ALDH1A2: variants seen among roughly 807,000 people sequenced by gnomAD.
The protein encoded by ALDH1A2 is aldehyde dehydrogenase 1 family member A2.
Under a neutral mutation model 60.3 loss-of-function variants are expected in ALDH1A2, and 27 were observed. The observed-to-expected ratio is 0.45, with a 90% CI of 0.33 to 0.62. The LOEUF is 0.62. ALDH1A2 is among the 20% of genes least tolerant of loss of function. ALDH1A2 has a pLI of 0.02. For synonymous variants in ALDH1A2, 289 were observed against 232.4 expected (o/e 1.24, Z -2.21); for missense variants, 581 against 643.8 (o/e 0.90, Z 1.06).
intron 1 of ALDH1A2, among the ~76,000 whole-genome samples, chr15:58,061,676 G>A (rs1228833998): frequency 6.9e-6 from 1 of 145,146 alleles, no homozygotes; most frequent in Admixed American, 7.0e-5. Flanking sequence ...TAGAAAAAGT[G>A]TATGGTGATG....
chr15:58,056,867 AATAAGT>A lies in ALDH1A2; in HGVS notation c.117+8661_117+8666del, dbSNP rs1840655269. 2.6e-5 allele frequency among the ~76,000 whole-genome samples: 4 copies of A among 152,120 alleles called. No homozygotes were observed. The South Asian group carries it at 6.2e-4, about 24-fold the overall frequency. On this transcript the variant is annotated intron_variant, in intron 1 of 12. Transcript: ENST00000249750. ...CACACTTACCAGGTTAGCAAAATTT[AATAAGT>A]ATGAGAATCTGAAGTATAGGTGAAA... is the stretch of plus-strand genomic sequence containing the variant.
chr15:58,034,647 A>G (rs138216883), intron 1 of ALDH1A2, among the ~76,000 whole-genome samples: 3 of 151,720 alleles, frequency 2.0e-5, no homozygotes, highest in African/African-American at 7.2e-5. Context: ...TCTATTCATA[A>G]TTTTTGAGAG....
chr15:57,962,510 T>C (rs1175435170), intron 9 of ALDH1A2, among the ~76,000 whole-genome samples: 3 of 152,218 alleles, frequency 2.0e-5, no homozygotes, highest in African/African-American at 7.2e-5. Context: ...AAAATTGACT[T>C]TTATAATTAA....
chr15:57,959,486 G>A (rs758892538), intron 12 of ALDH1A2, among the ~76,000 whole-genome samples: 6 of 152,106 alleles, frequency 3.9e-5, no homozygotes, highest in Non-Finnish European at 7.3e-5. Flanking sequence ...GGAAACTTCC[G>A]CCAAAGTTAC....
intron 1 of ALDH1A2, among the ~76,000 whole-genome samples, chr15:58,057,134 C>A (rs1163563743): frequency 6.6e-6 from 1 of 151,958 alleles, no homozygotes; most frequent in Non-Finnish European, 1.5e-5. Context: ...TCCAATGCAG[C>A]ATTACTGCAA....
At chr15:57,990,298 T>C (rs1381635534) in intron 7 of ALDH1A2, 9 of 152,208 alleles carry the variant, frequency 5.9e-5, no homozygotes, top group African/African-American at 1.7e-4. Context: ...TATGTACACA[T>C]ATACGTGTGT....
At chr15:57,995,217 C>CAAAA (rs34068380) in intron 4 of ALDH1A2, 78 bp from the exon 5 acceptor site, 3,031 of 285,276 alleles carry the variant, frequency 0.011, 102 homozygotes, top group South Asian at 0.025. Flanking sequence ...TTGGTGGCTG[C>CAAAA]AAAAAAAAAA....
intron 7 of ALDH1A2, among the ~76,000 whole-genome samples, chr15:57,989,000 C>CTACTT (rs1364785584): frequency 7.8e-6 from 1 of 128,418 alleles, no homozygotes; most frequent in African/African-American, 2.8e-5. Flanking sequence ...AACCCCATCT[C>CTACTT]TACTTAAGAT....
In ALDH1A2 at chr15:58,015,554, A is replaced by G. The variant is rs1247199763; in HGVS notation, c.118-1273T>C. Among the ~76,000 whole-genome samples, 2 of 152,232 alleles carry G rather than the reference A, an allele frequency of 1.3e-5. 1 individual carries two copies. The highest frequency in any genetic ancestry group is 3.8e-4 in the East Asian group (2 of 5,202). ...ACAGTTCATAAACACATGTAACAAA[A>G]TTTACCCAATAAATACTCAGATAAC... is the stretch of plus-strand genomic sequence containing the variant. On this transcript the variant is annotated intron_variant, in intron 1 of 12. Transcript: ENST00000249750.
At chr15:57,991,925 A>C (rs976727707) in intron 7 of ALDH1A2, among the ~76,000 whole-genome samples, 3 of 152,140 alleles carry the variant, frequency 2.0e-5, no homozygotes, top group African/African-American at 7.2e-5. Flanking sequence ...AACATTTATA[A>C]ATCTTCTTAA....
intron 1 of ALDH1A2, among the ~76,000 whole-genome samples, chr15:58,054,759 A>C (rs1196501301): frequency 6.6e-6 from 1 of 152,204 alleles, no homozygotes; most frequent in Non-Finnish European, 1.5e-5. Context: ...TTTTGAATGC[A>C]AACAAAACAG....
intron 1 of ALDH1A2, among the ~76,000 whole-genome samples, chr15:58,038,344 T>A (rs1156309672): frequency 4.0e-5 from 6 of 151,706 alleles, no homozygotes; most frequent in African/African-American, 1.5e-4. Context: ...GATAAGGATA[T>A]TTCTGTGCCA....
intron 7 of ALDH1A2, among the ~76,000 whole-genome samples, chr15:57,982,734 G>T (rs759871001): frequency 1.3e-5 from 2 of 152,306 alleles, no homozygotes; most frequent in East Asian, 1.9e-4. Flanking sequence ...ATGTGGTTAA[G>T]AATAATATAA....
At chr15:57,964,467 C>A in intron 8 of ALDH1A2, 1 of 183,882 alleles carries the variant, frequency 5.4e-6, no homozygotes, top group African/African-American at 2.3e-5. Flanking sequence ...CCCCAGGTTG[C>A]CAGATCCTCT....
intron 1 of ALDH1A2, among the ~76,000 whole-genome samples, chr15:58,032,377 G>T (rs1456983042): frequency 6.6e-6 from 1 of 152,194 alleles, no homozygotes; most frequent in African/African-American, 2.4e-5. Context: ...AGGGGGTAGG[G>T]ATAGCATTAG....
In ALDH1A2 at chr15:58,044,953, AAAAGAAAAGCATATC is replaced by A. The variant is rs1395970750; in HGVS notation, c.117+20566_117+20580del. On this transcript the variant is annotated intron_variant, in intron 1 of 12. Transcript: ENST00000249750. ...GTAGAATCTCGGTATCCCAGACTGA[AAAAGAAAAGCATATC>A]AAATGCCAAAGTCTTTATAAAATGG... Among the ~76,000 whole-genome samples the A allele has an allele frequency of 4.9e-4, 74 of 152,140 alleles. 2 individuals are homozygous for A. In the South Asian group the frequency reaches 0.015, roughly 30 times the overall value.
At chr15:58,024,317 T>C (rs1179472755) in intron 1 of ALDH1A2, among the ~76,000 whole-genome samples, 1 of 152,064 alleles carries the variant, frequency 6.6e-6, no homozygotes, top group South Asian at 2.1e-4. Context: ...AATTTTATAC[T>C]GCCTAGAAGA....
At chr15:57,988,889 C>T (rs983957713) in intron 7 of ALDH1A2, among the ~76,000 whole-genome samples, 7 of 146,780 alleles carry the variant, frequency 4.8e-5, no homozygotes, top group Admixed American at 4.1e-4. Context: ...TTGTTATGTG[C>T]CGGGCGCAGT....
At chr15:58,009,632 C>T (rs1231236058) in intron 4 of ALDH1A2, among the ~76,000 whole-genome samples, 4 of 151,020 alleles carry the variant, frequency 2.6e-5, no homozygotes, top group African/African-American at 9.7e-5. Context: ...TATGTCTATT[C>T]ACCACTTACT....
Sources: allele counts gnomAD v4.1 joint callset (sites outside exome capture counted in the v4.1 genomes callset), GRCh38; gene constraint gnomAD v4.1.1; transcripts MANE v1.5; gene names NCBI Gene and HGNC (gene_info 2026-07-23, HGNC 2026-07-21).